Variants in CELF3 observed in about 807,000 individuals in gnomAD.
The protein encoded by CELF3 is CUGBP Elav-like family member 3, also known as CAG repeat domain.
Under a neutral mutation model 59.6 loss-of-function variants are expected in CELF3, and 26 were observed. The ratio of observed to expected loss-of-function variants is 0.44; its 90% CI spans 0.32 to 0.61. The LOEUF is 0.61. Among genes scored for constraint, CELF3 ranks in the 20% least tolerant of loss-of-function variants. The pLI is 0.06. For synonymous variants in CELF3, 245 were observed against 250.7 expected (o/e 0.98, Z 0.22); for missense variants, 387 against 627.2 (o/e 0.62, Z 4.09).
chr1:151,706,826 G>A lies in CELF3; in HGVS notation c.923-92C>T. ...GGGCCTCTGGGCCGAGGCCAGGCAG[G>A]TGGGGAGCAGAGCTTCTCTGGGCAT... On this transcript the variant is annotated intron_variant, in intron 8 of 12. Transcript: ENST00000290583. The A allele has an allele frequency of 3.0e-6, 3 of 1,010,082 alleles. No individual in the cohort carries two copies. In the South Asian group the frequency reaches 5.0e-5, roughly 17 times the overall value. The allele number at this position is 1,010,082 out of a possible 1,614,324, so 62.6% of individuals were successfully genotyped here. A position where few individuals can be genotyped will look rare whatever the true frequency, so the allele number is the denominator to read the frequency against.
rs1327367399 is a variant in CELF3 at position 151,716,797 on chromosome 1, A to G, written c.-777T>C. 2 of 461,206 alleles carry G rather than the reference A, an allele frequency of 4.3e-6. No individual in the cohort carries two copies. Among genetic ancestry groups the G allele is most frequent in the South Asian group, 3.1e-5 (2 of 64,008 alleles). The allele number at this position is 461,206 out of a possible 1,614,324, so 28.6% of individuals were successfully genotyped here. ...GCTCTCCGGCCGCGCTCTCCTCAACAAAAACCTCCCCCCTCCACACCCCCC... is the reference window on the plus strand; with the variant it reads ...GCTCTCCGGCCGCGCTCTCCTCAACGAAAACCTCCCCCCTCCACACCCCCC... On this transcript the variant is annotated 5_prime_UTR_variant, in exon 1 of 13. Transcript: ENST00000290583.
rs1411568672 is a variant in CELF3 at position 151,703,141 on chromosome 1, G to A, written c.*318C>T. The A allele has an allele frequency of 6.5e-6, 3 of 460,804 alleles. No individual in the cohort carries two copies. Among genetic ancestry groups the A allele is most frequent in the South Asian group, 4.6e-5 (3 of 64,740 alleles). 28.5% of individuals were successfully genotyped at this position (460,804 alleles called of 1,614,324 possible). The stretch of plus-strand genomic sequence containing the variant: ...TGGGGGAGGCAAGTACAAACGCTGG[G>A]TACAGAAGGCCTGTCACAGGAGCCC... On this transcript the variant is annotated 3_prime_UTR_variant, in exon 13 of 13. Transcript: ENST00000290583.
chr1:151,708,476 A>C, intron 5 of CELF3: 1 of 184,198 alleles, frequency 5.4e-6, no homozygotes, highest in South Asian at 1.3e-4. Context: ...TCTCTACCCA[A>C]TGCTGTGTCC....
chr1:151,706,794 C>A, intron 8 of CELF3, 60 bp from the exon 9 acceptor site: 1 of 1,315,500 alleles, frequency 7.6e-7, no homozygotes, highest in East Asian at 2.6e-5. Context: ...GCCCTCAGTG[C>A]CTCTCTGGGC....
At chr1:151,707,025 G>T in intron 8 of CELF3, 120 bp downstream of exon 8, 1 of 1,176,044 alleles carries the variant, frequency 8.5e-7, no homozygotes, top group East Asian at 2.8e-5. Flanking sequence ...GCCCAGGATG[G>T]CAGGGCAGGA....
intron 5 of CELF3, 45 bp from the exon 6 acceptor site, chr1:151,707,980 C>G (rs376323586): frequency 1.3e-6 from 2 of 1,567,658 alleles, no homozygotes; most frequent in Non-Finnish European, 1.7e-6. Context: ...GGGTCAGGGT[C>G]TCTCCTCCCC....
chr1:151,705,840 T>G lies in CELF3; in HGVS notation c.1252A>C (p.Asn418His). 6.2e-7 allele frequency: 1 copy of G among 1,614,188 alleles called. No individual in the cohort carries two copies. Among genetic ancestry groups the G allele is most frequent in the Non-Finnish European group, 8.5e-7 (1 of 1,180,032 alleles). ...TTCTTACCAAAACATTTGCTTTGAT[T>G]GGTGGCTCGGTCAACAAAGACTTTG... is the stretch of plus-strand genomic sequence containing the variant. ...SAKVFVDRAT[N>H]QSKCFGFVSF... Residue 418 changes from asparagine (N) to histidine (H), a missense_variant, in exon 11 of 13, where the codon AAT becomes CAT. Physicochemically the swap from Asn to His is moderately conservative, Grantham distance 68. This residue lies in a region of CELF3 where 48 missense variants were observed against 118.8 expected (regional missense o/e 0.40). Coordinates refer to ENST00000290583, the MANE Select transcript of CELF3 (RefSeq NM_007185.7). This position sits in a 1 kb window ranked among gnomAD's most constrained non-coding sequence, Gnocchi z 5.1.
At chr1:151,711,075 C>T in intron 2 of CELF3, 1 of 343,644 alleles carries the variant, frequency 2.9e-6, no homozygotes, top group South Asian at 2.3e-5. Flanking sequence ...AGGTACTGGA[C>T]TGGGAGTCAG....
intron 10 of CELF3, 85 bp downstream of exon 10, chr1:151,706,139 C>T (rs1464619142): frequency 6.2e-7 from 1 of 1,606,912 alleles, no homozygotes; most frequent in Non-Finnish European, 8.5e-7. Context: ...GACACGTGGG[C>T]AAGAGCTGGG....
chr1:151,702,932 G>A lies in CELF3; in HGVS notation c.*527C>T, dbSNP rs1410321558. 1 of 318,458 alleles carries A rather than the reference G, an allele frequency of 3.1e-6. No homozygotes were observed. Among genetic ancestry groups the A allele is most frequent in the African/African-American group, 2.2e-5 (1 of 46,240 alleles). 19.7% of individuals were successfully genotyped at this position (318,458 alleles called of 1,614,324 possible). A position where few individuals can be genotyped will look rare whatever the true frequency, so the allele number is the denominator to read the frequency against. On this transcript the variant is annotated 3_prime_UTR_variant, in exon 13 of 13. Transcript: ENST00000290583. ...AGGGGGCCCTTGGGGGAGGCAGTGA[G>A]TTTTAGGGCTGGGAGCCCAGGAATC...
At position 151,714,682 on chromosome 1, in the gene CELF3, G is replaced by GAGGGGC. The variant is rs780272334; in HGVS notation, c.146-12_146-7dup. On this transcript the variant is annotated splice_region_variant and splice_polypyrimidine_tract_variant and intron_variant, in intron 1 of 12. Transcript: ENST00000290583. ...GTATGTCAGGAAGGCACATCCTGAG[G>GAGGGGC]AGGGGCAGGGGCAGAGAAACACGGC... 1.3e-6 allele frequency: 2 copies of GAGGGGC among 1,553,898 alleles called. No individual in the cohort carries two copies. The highest frequency in any genetic ancestry group is 2.7e-5 in the African/African-American group (2 of 73,210).
chr1:151,714,306 G>A (rs141522110), intron 2 of CELF3: 87 of 579,272 alleles, frequency 1.5e-4, no homozygotes, highest in African/African-American at 1.2e-3. Context: ...TCCAACCAGC[G>A]AGTCCTCCCT....
chr1:151,716,669 G>GCCTCCCCCCCCCCCCCC lies in CELF3; in HGVS notation c.-650_-649insGGGGGGGGGGGGGGAGG. 8.6e-6 allele frequency: 1 copy of GCCTCCCCCCCCCCCCCC among 116,324 alleles called. No individual in the cohort carries two copies. The highest frequency in any genetic ancestry group is 1.8e-5 in the Non-Finnish European group (1 of 54,614). The allele number at this position is 116,324 out of a possible 1,614,324, so 7.2% of individuals were successfully genotyped here. A position where few individuals can be genotyped will look rare whatever the true frequency, so the allele number is the denominator to read the frequency against. ...CGCCCCCCTTCAGGTCCTCCCCTCA[G>GCCTCCCCCCCCCCCCCC]CCCCCCTCCCACCCCCACCCCAGTC... On this transcript the variant is annotated 5_prime_UTR_variant, in exon 1 of 13. Coordinates refer to ENST00000290583, the MANE Select transcript of CELF3 (RefSeq NM_007185.7).
Position 151,715,976 on chromosome 1 carries a change from C to G in CELF3, c.45G>C (p.Pro15=), listed in dbSNP as rs149099749. ...DAIKLFVGQI[P]RHLEEKDLKP... ...TCAGGTCCTTCTCCTCCAGATGCCT[C>G]GGGATCTGCCCCACAAACAGCTTGA... is the stretch of plus-strand genomic sequence containing the variant. The change falls in exon 1 of 13, where the codon CCG becomes CCC. Residue 15 remains proline (P), a synonymous_variant. Transcript: ENST00000290583. 1 of 1,614,044 alleles carries G rather than the reference C, an allele frequency of 6.2e-7. No individual in the cohort carries two copies. Among genetic ancestry groups the G allele is most frequent in the Non-Finnish European group, 8.5e-7 (1 of 1,180,008 alleles).
rs1387218474 is a variant in CELF3 at position 151,708,985 on chromosome 1, G to A, written c.486+13C>T. On this transcript the variant is annotated intron_variant, in intron 5 of 12. Coordinates refer to ENST00000290583, the MANE Select transcript of CELF3 (RefSeq NM_007185.7). Reference sequence around the variant, plus strand: ...GGGAAGGAGAGGCCCGGGGGCAGGGGAGTGGGGCTCACTGGCAGGGTCCGG... The same window carrying A: ...GGGAAGGAGAGGCCCGGGGGCAGGGAAGTGGGGCTCACTGGCAGGGTCCGG... The A allele has an allele frequency of 1.9e-6, 3 of 1,612,410 alleles. No individual in the cohort carries two copies. Among genetic ancestry groups the A allele is most frequent in the Non-Finnish European group, 1.7e-6 (2 of 1,179,346 alleles).
chr1:151,714,693 G>A lies in CELF3; in HGVS notation c.146-17C>T. 6.5e-7 allele frequency: 1 copy of A among 1,542,856 alleles called. No individual in the cohort carries two copies. ...AGGCACATCCTGAGGAGGGGCAGGG[G>A]CAGAGAAACACGGCGGGGGGTGAGT... On this transcript the variant is annotated splice_polypyrimidine_tract_variant and intron_variant, in intron 1 of 12. Transcript: ENST00000290583.
chr1:151,701,995 A>G lies in CELF3; in HGVS notation c.*1464T>C, dbSNP rs1384504216. 1.3e-5 allele frequency among the ~76,000 whole-genome samples: 2 copies of G among 152,222 alleles called. No individual in the cohort carries two copies. The highest frequency in any genetic ancestry group is 4.8e-5 in the African/African-American group (2 of 41,448). On this transcript the variant is annotated 3_prime_UTR_variant, in exon 13 of 13. Transcript: ENST00000290583. ...GTTAGGAGGTAAAATGAGGAAATGC[A>G]CAATAAGGACTTGGAACAGAATCAC...
At position 151,709,248 on chromosome 1, in the gene CELF3, C is replaced by T. The variant is rs1174123849; in HGVS notation, c.378G>A (p.Val126=). ...TGCTGGTGCCATCTGGCCCCCGGAG[C>T]ACAGTGCACTCGTCGATGGTCCCGA... ...EPFGTIDECT[V]LRGPDGTSKG... The change falls in exon 4 of 13, where the codon GTG becomes GTA. Residue 126 remains valine, a synonymous_variant. Coordinates refer to ENST00000290583, the MANE Select transcript of CELF3 (RefSeq NM_007185.7). The surrounding 1 kb of genome is among the most constrained non-coding windows in gnomAD (Gnocchi z 4.9). The T allele has an allele frequency of 1.9e-6, 3 of 1,613,918 alleles. No homozygotes were observed. The Admixed American group carries it at 5.0e-5, about 27-fold the overall frequency.
At position 151,703,331 on chromosome 1, in the gene CELF3, G is replaced by T; in HGVS notation, c.*128C>A. 2.2e-6 allele frequency: 1 copy of T among 452,482 alleles called. No homozygotes were observed. Among genetic ancestry groups the T allele is most frequent in the Non-Finnish European group, 4.4e-6 (1 of 224,776 alleles). The allele number at this position is 452,482 out of a possible 1,614,324, so 28.0% of individuals were successfully genotyped here. A position where few individuals can be genotyped will look rare whatever the true frequency, so the allele number is the denominator to read the frequency against. On this transcript the variant is annotated 3_prime_UTR_variant, in exon 13 of 13. Transcript: ENST00000290583. Reference sequence around the variant, plus strand: ...GGGCCGGTGTCTTGTGCCCCCGGGGGCCACGAAGCAGCGTTTGCCCCAGAA... The same window carrying T: ...GGGCCGGTGTCTTGTGCCCCCGGGGTCCACGAAGCAGCGTTTGCCCCAGAA...
Sources: allele counts gnomAD v4.1 joint callset (sites outside exome capture counted in the v4.1 genomes callset), GRCh38; gene constraint gnomAD v4.1.1; regional missense constraint gnomAD v4.1.1; non-coding constraint Gnocchi (gnomAD v3.1); transcripts MANE v1.5; gene names NCBI Gene and HGNC (gene_info 2026-07-23, HGNC 2026-07-21).